MACROD2: variants seen among roughly 807,000 people sequenced by gnomAD.
The protein encoded by MACROD2 is mono-ADP ribosylhydrolase 2, also known as ADP-ribose glycohydrolase MACROD2.
Under a neutral mutation model 70.4 loss-of-function variants are expected in MACROD2, and 36 were observed. The ratio of observed to expected loss-of-function variants is 0.51; its 90% CI spans 0.39 to 0.68. The LOEUF is 0.68. Among genes scored for constraint, MACROD2 ranks in the 30% least tolerant of loss-of-function variants. The pLI is 0.00. For missense variants in MACROD2, 496 were observed against 538.4 expected, an observed-to-expected ratio of 0.92 and a Z score of 0.78; for synonymous variants, 172 against 178.8, an observed-to-expected ratio of 0.96 and a Z score of 0.30.
intron 3 of MACROD2, among the ~76,000 whole-genome samples, chr20:14,488,838 A>G (rs1333001864): frequency 6.6e-6 from 1 of 152,148 alleles, no homozygotes; most frequent in Non-Finnish European, 1.5e-5. Flanking sequence ...CCATGCTACG[A>G]TATTCCTAGA....
intron 6 of MACROD2, among the ~76,000 whole-genome samples, chr20:15,308,276 T>C (rs1304488228): frequency 1.3e-5 from 2 of 152,194 alleles, no homozygotes; most frequent in Non-Finnish European, 2.9e-5. Context: ...ACATTATTTC[T>C]GTGTTGCTTA....
At chr20:15,677,387 G>C (rs572997569) in intron 8 of MACROD2, among the ~76,000 whole-genome samples, 1 of 152,148 alleles carries the variant, frequency 6.6e-6, no homozygotes. Context: ...GGGGAAGTGG[G>C]GTGGAGGTTT....
intron 4 of MACROD2, among the ~76,000 whole-genome samples, chr20:14,618,348 A>C (rs1227971609): frequency 6.6e-6 from 1 of 152,174 alleles, no homozygotes; most frequent in Non-Finnish European, 1.5e-5. Context: ...GATGTTTTGG[A>C]AAAGAACTGC....
intron 3 of MACROD2, among the ~76,000 whole-genome samples, chr20:14,133,876 A>G (rs2054753725): frequency 6.6e-6 from 1 of 152,192 alleles, no homozygotes; most frequent in African/African-American, 2.4e-5. Context: ...CAACTTGACT[A>G]ACTAAGGTAA....
chr20:14,862,019 T>TTATATATATATTTA (rs1207316792), intron 5 of MACROD2, among the ~76,000 whole-genome samples: 5 of 20,738 alleles, frequency 2.4e-4, no homozygotes, highest in African/African-American at 1.1e-3. Context: ...ATATATATAT[T>TTATATATATATTTA]TATATATATT....
chr20:15,389,981 A>G lies in MACROD2; in HGVS notation c.541-41424A>G, dbSNP rs577819347. Among the ~76,000 whole-genome samples, 11 of 152,346 alleles carry G rather than the reference A, an allele frequency of 7.2e-5. No individual in the cohort carries two copies. In the South Asian group the frequency reaches 1.7e-3, roughly 23 times the overall value. On this transcript the variant is annotated intron_variant, in intron 6 of 17. Transcript: ENST00000684519. ...GGAACCTTGAGGTTCTGTGTGGGAA[A>G]TGGAAGAGAGACTGATGGGAAGATA...
chr20:15,541,691 GA>G (rs2047957802), intron 8 of MACROD2, among the ~76,000 whole-genome samples: 4 of 152,104 alleles, frequency 2.6e-5, no homozygotes, highest in Admixed American at 2.0e-4. Context: ...ACATTCTTGT[GA>G]AAACATTTGT....
At chr20:15,707,381 C>T (rs1305055914) in intron 8 of MACROD2, among the ~76,000 whole-genome samples, 1 of 152,118 alleles carries the variant, frequency 6.6e-6, no homozygotes, top group African/African-American at 2.4e-5. Context: ...AATTATCATG[C>T]CTCTATAGTA....
At chr20:14,668,523 C>A (rs753712872) in intron 4 of MACROD2, among the ~76,000 whole-genome samples, 1 of 152,122 alleles carries the variant, frequency 6.6e-6, no homozygotes, top group Non-Finnish European at 1.5e-5. Context: ...ACTTTTGATT[C>A]GGATTGGGAT....
At chr20:15,411,149 T>TACACACACAAACAC (rs2046073098) in intron 6 of MACROD2, among the ~76,000 whole-genome samples, 1 of 144,184 alleles carries the variant, frequency 6.9e-6, no homozygotes, top group Admixed American at 7.0e-5. Context: ...GATATGTATT[T>TACACACACAAACAC]ACACACACAC....
intron 6 of MACROD2, among the ~76,000 whole-genome samples, chr20:15,409,113 T>C (rs1369825064): frequency 6.6e-6 from 1 of 152,202 alleles, no homozygotes; most frequent in Admixed American, 6.5e-5. Flanking sequence ...TCTGGTTGGA[T>C]ATAGGTCAGC....
chr20:14,984,072 G>A (rs2074826640), intron 5 of MACROD2, among the ~76,000 whole-genome samples: 2 of 152,106 alleles, frequency 1.3e-5, no homozygotes, highest in Admixed American at 6.6e-5. Flanking sequence ...GCTTCAAAGG[G>A]CTGGAAACTC....
chr20:15,596,454 G>A (rs749691539), intron 8 of MACROD2, among the ~76,000 whole-genome samples: 7 of 152,292 alleles, frequency 4.6e-5, no homozygotes, highest in East Asian at 1.9e-4. Flanking sequence ...TCAGAGGTCC[G>A]TGGTCATTCC....
chr20:15,556,007 A>G (rs12625868), intron 8 of MACROD2, among the ~76,000 whole-genome samples: 1,702 of 152,210 alleles, frequency 0.011, 37 homozygotes, highest in East Asian at 0.054. Flanking sequence ...TATTTCTCTC[A>G]GGTCCTAAAT....
At chr20:14,124,692 T>G (rs1250103673) in intron 3 of MACROD2, among the ~76,000 whole-genome samples, 1 of 152,150 alleles carries the variant, frequency 6.6e-6, no homozygotes, top group African/African-American at 2.4e-5. Context: ...CAAACATGGC[T>G]GGTAGGAATG....
chr20:15,191,696 T>A (rs2145915285), intron 5 of MACROD2, among the ~76,000 whole-genome samples: 1 of 152,284 alleles, frequency 6.6e-6, no homozygotes, highest in East Asian at 1.9e-4. Flanking sequence ...TCAGAAATAT[T>A]TTCTGTCGGC....
At chr20:15,773,562 A>T (rs1382344179) in intron 8 of MACROD2, among the ~76,000 whole-genome samples, 1 of 152,124 alleles carries the variant, frequency 6.6e-6, no homozygotes, top group Non-Finnish European at 1.5e-5. Flanking sequence ...AACTCATCCT[A>T]ATAGCCCAAG....
chr20:14,184,730 G>A lies in MACROD2; in HGVS notation c.271+99002G>A, dbSNP rs189724517. 2.8e-3 allele frequency among the ~76,000 whole-genome samples: 419 copies of A among 152,158 alleles called. 3 individuals are homozygous for A. Among genetic ancestry groups the A allele is most frequent in the Non-Finnish European group, 4.6e-3 (316 of 67,970 alleles). ...GCAGTGGTTTGTAGTTCTCCTTGTA[G>A]AGATATTTCACCTTCCTAGTTAGCT... On this transcript the variant is annotated intron_variant, in intron 3 of 17. Coordinates refer to ENST00000684519, the MANE Select transcript of MACROD2 (RefSeq NM_001351661.2).
intron 5 of MACROD2, among the ~76,000 whole-genome samples, chr20:15,030,797 T>G (rs1057352921): frequency 2.0e-5 from 3 of 152,200 alleles, no homozygotes; most frequent in Non-Finnish European, 4.4e-5. Context: ...TGGAGCTGGC[T>G]GTGAGTCCCC....
Sources: allele counts gnomAD v4.1 joint callset (sites outside exome capture counted in the v4.1 genomes callset), GRCh38; gene constraint gnomAD v4.1.1; transcripts MANE v1.5; gene names NCBI Gene and HGNC (gene_info 2026-07-23, HGNC 2026-07-21).